Variants in DPP10 observed in about 807,000 individuals in gnomAD.
DPP10 encodes the protein dipeptidyl peptidase like 10, also known as inactive dipeptidyl peptidase 10.
DPP10 carries 33 observed loss-of-function variants against 120.9 expected under a neutral mutation model. The observed-to-expected ratio is 0.27, with a 90% CI of 0.21 to 0.37. DPP10 has a LOEUF of 0.37. Ranked by LOEUF, DPP10 falls within the 10% of genes least tolerant of loss-of-function variation. The pLI, the probability that DPP10 is intolerant of heterozygous loss-of-function variation, is 1.00. For synonymous variants in DPP10, 337 were observed against 326.1 expected (o/e 1.03, Z -0.36); for missense variants, 816 against 942.8 (o/e 0.87, Z 1.76).
Position 115,791,197 on chromosome 2 carries a change from CTA to C in DPP10, c.1630+20_1630+21del. 2 of 1,608,140 alleles carry C rather than the reference CTA, an allele frequency of 1.2e-6. No individual in the cohort carries two copies. The highest frequency in any genetic ancestry group is 1.1e-5 in the South Asian group (1 of 90,422). On this transcript the variant is annotated intron_variant, in intron 18 of 25. Coordinates refer to ENST00000410059, the MANE Select transcript of DPP10 (RefSeq NM_020868.6). The stretch of plus-strand genomic sequence containing the variant: ...CGACTATGGTAAAATTTTGTGCATG[CTA>C]TGTTATTCAAGAACAACTTTCTCTG...
chr2:114,719,687 G>A (rs886844512), intron 1 of DPP10, among the ~76,000 whole-genome samples: 2 of 152,120 alleles, frequency 1.3e-5, no homozygotes, highest in African/African-American at 4.8e-5. Context: ...AATGACAAAA[G>A]GCATATTAAT....
At chr2:114,712,529 C>T (rs1421264923) in intron 1 of DPP10, among the ~76,000 whole-genome samples, 1 of 152,194 alleles carries the variant, frequency 6.6e-6, no homozygotes, top group Non-Finnish European at 1.5e-5. Flanking sequence ...GGTCCTTCCT[C>T]TTTCTTATGT....
At chr2:115,656,367 G>T (rs2088341657) in intron 5 of DPP10, among the ~76,000 whole-genome samples, 1 of 151,472 alleles carries the variant, frequency 6.6e-6, no homozygotes, top group Non-Finnish European at 1.5e-5. Flanking sequence ...TTTTTCTTAG[G>T]CTCAAATTGG....
At chr2:114,827,651 G>A (rs749978802) in intron 1 of DPP10, among the ~76,000 whole-genome samples, 14 of 152,134 alleles carry the variant, frequency 9.2e-5, no homozygotes, top group Non-Finnish European at 1.6e-4. Context: ...GCATGTGTGT[G>A]TGCATGTACA....
chr2:114,584,006 T>C (rs1056203008), intron 1 of DPP10, among the ~76,000 whole-genome samples: 1 of 152,194 alleles, frequency 6.6e-6, no homozygotes, highest in African/African-American at 2.4e-5. Context: ...TTAAGGTATT[T>C]ACCTGTTAAG....
chr2:114,549,859 T>C (rs1478751147), intron 1 of DPP10, among the ~76,000 whole-genome samples: 5 of 151,954 alleles, frequency 3.3e-5, no homozygotes, highest in African/African-American at 1.2e-4. Flanking sequence ...GATCCTATCC[T>C]GGAAAGCTCC....
chr2:115,240,912 C>T (rs1262193775), intron 1 of DPP10, among the ~76,000 whole-genome samples: 1 of 152,186 alleles, frequency 6.6e-6, no homozygotes, highest in Admixed American at 6.6e-5. Context: ...CTGCCTTTTC[C>T]TCTAAAGTTG....
chr2:115,385,981 C>G (rs1239489482), intron 3 of DPP10, among the ~76,000 whole-genome samples: 1 of 152,076 alleles, frequency 6.6e-6, no homozygotes, highest in African/African-American at 2.4e-5. Context: ...CACTTGGGAG[C>G]AAAGTTGGCC....
chr2:115,306,169 A>G (rs1363694435), intron 1 of DPP10, among the ~76,000 whole-genome samples: 2 of 152,066 alleles, frequency 1.3e-5, no homozygotes, highest in Non-Finnish European at 2.9e-5. Context: ...TTGGATTCAA[A>G]CTTACTGGTA....
chr2:115,625,114 C>T lies in DPP10; in HGVS notation c.442-64573C>T, dbSNP rs139473972. 8.1e-3 allele frequency among the ~76,000 whole-genome samples: 1,234 copies of T among 151,810 alleles called. 13 individuals are homozygous for T. Among genetic ancestry groups the T allele is most frequent in the African/African-American group, 0.027 (1,123 of 41,376 alleles). On this transcript the variant is annotated intron_variant, in intron 5 of 25. Coordinates refer to ENST00000410059, the MANE Select transcript of DPP10 (RefSeq NM_020868.6). Reference sequence around the variant, plus strand: ...TTAATAAAAAAAAAATGTGTCTGACCTAAAGCTGGAAGGGATTGATAATAC... The same window carrying T: ...TTAATAAAAAAAAAATGTGTCTGACTTAAAGCTGGAAGGGATTGATAATAC...
At chr2:115,006,472 C>T (rs1181259910) in intron 1 of DPP10, among the ~76,000 whole-genome samples, 53 of 148,912 alleles carry the variant, frequency 3.6e-4, no homozygotes, top group African/African-American at 1.3e-3. Flanking sequence ...TCAGGAAACC[C>T]ATCTCACATG....
intron 1 of DPP10, among the ~76,000 whole-genome samples, chr2:114,949,190 T>A (rs542795983): frequency 6.6e-6 from 1 of 152,236 alleles, no homozygotes; most frequent in Admixed American, 6.5e-5. Context: ...CCCAAAATGC[T>A]GGGATTACAG....
At chr2:115,156,791 AT>A (rs1402899221) in intron 1 of DPP10, among the ~76,000 whole-genome samples, 4 of 152,216 alleles carry the variant, frequency 2.6e-5, no homozygotes, top group Non-Finnish European at 5.9e-5. Context: ...AAAAGGACAA[AT>A]GCGATGCCAA....
chr2:115,697,967 C>T (rs554970264), intron 7 of DPP10, among the ~76,000 whole-genome samples: 169 of 152,104 alleles, frequency 1.1e-3, no homozygotes, highest in African/African-American at 3.8e-3. Flanking sequence ...GGCGAGAGAG[C>T]GAGACTCCAT....
chr2:114,893,662 T>A (rs959689146), intron 1 of DPP10, among the ~76,000 whole-genome samples: 2 of 152,134 alleles, frequency 1.3e-5, no homozygotes, highest in Non-Finnish European at 2.9e-5. Context: ...AAAACAAAGT[T>A]TGATCTTTAC....
chr2:115,176,054 A>T (rs912090566), intron 1 of DPP10, among the ~76,000 whole-genome samples: 5 of 152,118 alleles, frequency 3.3e-5, no homozygotes, highest in Non-Finnish European at 7.4e-5. Flanking sequence ...TCTCAAAAGC[A>T]AGGATTCTCT....
At chr2:115,180,249 G>A (rs1268998326) in intron 1 of DPP10, among the ~76,000 whole-genome samples, 3 of 152,140 alleles carry the variant, frequency 2.0e-5, no homozygotes, top group African/African-American at 7.2e-5. Context: ...CTACGACTTT[G>A]ATAATTTTTT....
intron 1 of DPP10, among the ~76,000 whole-genome samples, chr2:115,135,042 G>C (rs2050579808): frequency 6.6e-6 from 1 of 151,964 alleles, no homozygotes; most frequent in South Asian, 2.1e-4. Flanking sequence ...AGGAAGAGTA[G>C]TCATGGCTGG....
intron 10 of DPP10, among the ~76,000 whole-genome samples, chr2:115,747,711 A>G (rs1195062770): frequency 6.6e-6 from 1 of 150,790 alleles, no homozygotes; most frequent in Non-Finnish European, 1.5e-5. Flanking sequence ...CTCTTGCCTC[A>G]GCCTACTGAA....
Sources: gnomAD v4.1 joint callset for allele counts (sites outside exome capture counted in the v4.1 genomes callset) on GRCh38, gnomAD v4.1.1 for gene constraint, MANE v1.5 for transcripts, NCBI Gene and HGNC (gene_info 2026-07-23, HGNC 2026-07-21) for gene names.